The following ABCC11 variants were observed in gnomAD, a reference collection of about 807,000 sequenced individuals.
The protein encoded by ABCC11 is ATP-binding cassette sub-family C member 11.
Under a neutral mutation model 149.3 loss-of-function variants are expected in ABCC11, and 135 were observed. The ratio of observed to expected loss-of-function variants is 0.90; its 90% CI spans 0.79 to 1.04. ABCC11 has a LOEUF of 1.04. Among genes scored for constraint, ABCC11 ranks in the 50% least tolerant of loss-of-function variants. ABCC11 has a pLI of 0.00. For synonymous variants in ABCC11, 665 were observed against 671.4 expected, an observed-to-expected ratio of 0.99 and a Z score of 0.15; for missense variants, 1,680 against 1,722.1, an observed-to-expected ratio of 0.98 and a Z score of 0.43.
intron 18 of ABCC11, among the ~76,000 whole-genome samples, chr16:48,194,541 A>C (rs1313702656): frequency 6.6e-6 from 1 of 152,212 alleles, no homozygotes; most frequent in Non-Finnish European, 1.5e-5. Context: ...TCCAAAATTC[A>C]TATGTTGAAA....
intron 1 of ABCC11, chr16:48,244,061 G>A: frequency 4.3e-6 from 1 of 230,992 alleles, no homozygotes; most frequent in Non-Finnish European, 8.3e-6. Context: ...TCAAGTATAT[G>A]TAAAAAATCG....
chr16:48,167,136 A>AC lies in ABCC11; in HGVS notation c.*137dup, dbSNP rs577370685. The AC allele has an allele frequency of 1.1e-3, 319 of 283,516 alleles. No homozygotes were observed. Among genetic ancestry groups the AC allele is most frequent in the Non-Finnish European group, 1.9e-3 (264 of 141,802 alleles). 17.6% of individuals were successfully genotyped at this position (283,516 alleles called of 1,614,324 possible). On this transcript the variant is annotated 3_prime_UTR_variant, in exon 30 of 30. Transcript: ENST00000356608. ...CCAGGGTTTCCATCCAGCAATCCCC[A>AC]CCCCCCCTACATTTACCCCTGCTTC...
At chr16:48,189,279 C>T (rs868125453) in intron 20 of ABCC11, among the ~76,000 whole-genome samples, 81 of 152,270 alleles carry the variant, frequency 5.3e-4, no homozygotes, top group African/African-American at 1.9e-3. Flanking sequence ...GACGTCAGCT[C>T]CACTGTGGGT....
At chr16:48,171,187 C>T (rs975986519) in intron 26 of ABCC11, among the ~76,000 whole-genome samples, 2 of 152,184 alleles carry the variant, frequency 1.3e-5, no homozygotes, top group Non-Finnish European at 2.9e-5. Flanking sequence ...CCTCCCCAGT[C>T]CCCCAGCCCA....
Position 48,216,213 on chromosome 16 carries a change from G to A in ABCC11, c.852C>T (p.Thr284=). The A allele has an allele frequency of 6.2e-7, 1 of 1,614,160 alleles. No individual in the cohort carries two copies. The highest frequency in any genetic ancestry group is 1.1e-5 in the South Asian group (1 of 91,082). ...TGCTGCAGATGACCAGCGATGCGCA[G>A]GTGATCAGTACTAGGGGTCCATAGC... ...GVCYGPLVLI[T]CASLVICSIS... Residue 284 remains threonine, a synonymous_variant, in exon 7 of 30, where the codon ACC becomes ACT. Transcript: ENST00000356608.
At chr16:48,244,710 G>A (rs1971250061) in intron 1 of ABCC11, 8 of 977,710 alleles carry the variant, frequency 8.2e-6, no homozygotes, top group South Asian at 2.7e-5. Context: ...TGAGCGCGAG[G>A]CTCAGTTCGG....
intron 18 of ABCC11, 123 bp downstream of exon 18, chr16:48,196,109 C>T: frequency 1.1e-6 from 1 of 942,138 alleles, no homozygotes; most frequent in Non-Finnish European, 1.6e-6. Context: ...CAAGTTAGGC[C>T]AATAAATACC....
intron 20 of ABCC11, 34 bp from the exon 21 acceptor site, chr16:48,187,461 A>G: frequency 6.5e-7 from 1 of 1,544,746 alleles, no homozygotes; most frequent in Non-Finnish European, 8.8e-7. Context: ...ACCATGAGAG[A>G]AGCTGCAGGC....
In ABCC11 at chr16:48,224,266, C is replaced by T; in HGVS notation, c.543+16G>A. ...AAGCCTAGAGTCCCCCAAACCTCAC[C>T]AAGTCTGCCACTTACTGGCCCGAGT... On this transcript the variant is annotated intron_variant, in intron 5 of 29. Coordinates refer to ENST00000356608, the MANE Select transcript of ABCC11 (RefSeq NM_001370497.1). 1.2e-6 allele frequency: 2 copies of T among 1,613,188 alleles called. No homozygotes were observed. The highest frequency in any genetic ancestry group is 1.7e-6 in the Non-Finnish European group (2 of 1,179,642).
intron 12 of ABCC11, among the ~76,000 whole-genome samples, chr16:48,208,126 G>A (rs1435302928): frequency 1.3e-5 from 2 of 152,032 alleles, no homozygotes; most frequent in Admixed American, 6.6e-5. Context: ...TAATTTGTAT[G>A]ATCATATTAA....
chr16:48,171,487 C>T (rs1965718829), intron 26 of ABCC11, among the ~76,000 whole-genome samples: 1 of 152,208 alleles, frequency 6.6e-6, no homozygotes, highest in Non-Finnish European at 1.5e-5. Context: ...CAGCCTTGGC[C>T]TCCCCATTAT....
Position 48,222,751 on chromosome 16 carries a change from G to T in ABCC11, c.624C>A (p.Ala208=), listed in dbSNP as rs775237059. ...NVVHGVGLCF[A]LFLSECVKSL... Reference sequence around the variant, plus strand: ...ACTTCACACATTCGGAGAGAAAAAGGGCAAAGCAGAGTCCCACTCCATGGA... The same window carrying T: ...ACTTCACACATTCGGAGAGAAAAAGTGCAAAGCAGAGTCCCACTCCATGGA... Residue 208 remains alanine (A), a synonymous_variant, in exon 6 of 30, where the codon GCC becomes GCA. Transcript: ENST00000356608. 1.2e-6 allele frequency: 2 copies of T among 1,614,086 alleles called. No individual in the cohort carries two copies. Among genetic ancestry groups the T allele is most frequent in the Non-Finnish European group, 1.7e-6 (2 of 1,180,046 alleles).
chr16:48,188,358 G>C (rs17822052), intron 20 of ABCC11, among the ~76,000 whole-genome samples: 13,054 of 152,242 alleles, frequency 0.086, 637 homozygotes, highest in Middle Eastern at 0.12. Flanking sequence ...ATCACCCCCA[G>C]TAGGGCATTC....
chr16:48,175,319 C>G lies in ABCC11; in HGVS notation c.3637G>C (p.Asp1213His). 1 of 1,614,148 alleles carries G rather than the reference C, an allele frequency of 6.2e-7. No homozygotes were observed. ...GVDICSIGLE[D>H]LRSKLSVIPQ... The stretch of plus-strand genomic sequence containing the variant: ...ATCACTGAGAGCTTGGACCGCAAGT[C>G]CTCCAGGCCGATGCTGCAAATGTCC... Residue 1213 changes from aspartate (D) to histidine (H), a missense_variant, in exon 26 of 30, where the codon GAC becomes CAC. Transcript: ENST00000356608.
intron 28 of ABCC11, 39 bp downstream of exon 28, chr16:48,170,066 C>G: frequency 6.4e-7 from 1 of 1,562,496 alleles, no homozygotes; most frequent in Non-Finnish European, 8.8e-7. Context: ...CATGCGTAGT[C>G]TGTGGCTTCC....
In ABCC11 at chr16:48,195,612, G is replaced by A. The variant is rs561265408; in HGVS notation, c.2404+620C>T. On this transcript the variant is annotated intron_variant, in intron 18 of 29. Coordinates refer to ENST00000356608, the MANE Select transcript of ABCC11 (RefSeq NM_001370497.1). ...AGTTTTGTGTTTACAACATTGTACAGTAAATATACATGATGATATATACCA... is the reference window on the plus strand; with the variant it reads ...AGTTTTGTGTTTACAACATTGTACAATAAATATACATGATGATATATACCA... Among the ~76,000 whole-genome samples, 11 of 152,344 alleles carry A rather than the reference G, an allele frequency of 7.2e-5. No individual in the cohort carries two copies. The South Asian group carries it at 2.3e-3, about 32-fold the overall frequency.
Position 48,178,973 on chromosome 16 carries a change from AC to A in ABCC11, c.3259-288del, listed in dbSNP as rs534232491. 5.1e-3 allele frequency among the ~76,000 whole-genome samples: 776 copies of A among 152,278 alleles called. 2 individuals carry two copies. Among genetic ancestry groups the A allele is most frequent in the Non-Finnish European group, 8.1e-3 (551 of 68,014 alleles). ...CAAGACCTCTGCCCACATCACAGCA[AC>A]CACCTAGCCTGTGCATGAGGACATC... On this transcript the variant is annotated intron_variant, in intron 23 of 29. Transcript: ENST00000356608.
chr16:48,240,472 G>T (rs1024531795), intron 1 of ABCC11, among the ~76,000 whole-genome samples: 1 of 151,992 alleles, frequency 6.6e-6, no homozygotes, highest in African/African-American at 2.4e-5. Context: ...GAAGCTGAAG[G>T]ATGAGAACAC....
At chr16:48,216,329 G>A in intron 6 of ABCC11, 42 bp from the exon 7 acceptor site, 1 of 1,593,024 alleles carries the variant, frequency 6.3e-7, no homozygotes, top group Non-Finnish European at 8.6e-7. Context: ...TCACCTCCCT[G>A]GGTACACAGA....
Sources: allele counts gnomAD v4.1 joint callset (sites outside exome capture counted in the v4.1 genomes callset), GRCh38; gene constraint gnomAD v4.1.1; transcripts MANE v1.5; gene names NCBI Gene and HGNC (gene_info 2026-07-23, HGNC 2026-07-21).